Variants in OSBPL3 observed in about 807,000 individuals in gnomAD.
OSBPL3 encodes the protein oxysterol binding protein like 3, also known as oxysterol-binding protein-related protein 3.
OSBPL3 carries 65 observed loss-of-function variants against 120.1 expected under a neutral mutation model. The ratio of observed to expected loss-of-function variants is 0.54; its 90% CI spans 0.44 to 0.67. OSBPL3 has a LOEUF of 0.67. OSBPL3 is among the 30% of genes least tolerant of loss of function. The probability of loss-of-function intolerance (pLI) is 0.00; values close to 1 mark genes in which losing one functional copy is unlikely to be tolerated. For synonymous variants in OSBPL3, 416 were observed against 402.6 expected (o/e 1.03, Z -0.40); for missense variants, 1,004 against 1,082.1 (o/e 0.93, Z 1.01).
chr7:24,931,275 T>C (rs1304388651), intron 1 of OSBPL3, among the ~76,000 whole-genome samples: 3 of 152,224 alleles, frequency 2.0e-5, no homozygotes, highest in African/African-American at 4.8e-5. Flanking sequence ...CTCTGGGTTA[T>C]AAGTTATGTG....
At chr7:24,868,721 C>A (rs1801704584) in intron 5 of OSBPL3, among the ~76,000 whole-genome samples, 1 of 152,138 alleles carries the variant, frequency 6.6e-6, no homozygotes, top group South Asian at 2.1e-4. Flanking sequence ...AGACTCACAC[C>A]TATTTGTCTC....
At chr7:24,979,057 G>T (rs1330415965) in intron 1 of OSBPL3, among the ~76,000 whole-genome samples, 1 of 152,192 alleles carries the variant, frequency 6.6e-6, no homozygotes, top group Non-Finnish European at 1.5e-5. Flanking sequence ...AGGCTGCCTG[G>T]GAGTTTCTGG....
At chr7:24,842,539 G>T (rs1797907558) in intron 12 of OSBPL3, 126 bp from the exon 13 acceptor site, 1 of 728,382 alleles carries the variant, frequency 1.4e-6, no homozygotes, top group Non-Finnish European at 2.3e-6. Context: ...CAAAGCAGAA[G>T]TCAGCTCCAA....
At chr7:24,870,877 C>A (rs760675050) in intron 4 of OSBPL3, 32 bp from the exon 5 acceptor site, 1 of 1,404,264 alleles carries the variant, frequency 7.1e-7, no homozygotes, top group East Asian at 2.3e-5. Context: ...CACTTGGGGA[C>A]CATGGTGTTA....
Position 24,861,665 on chromosome 7 carries a change from G to C in OSBPL3, c.975C>G (p.Thr325=), listed in dbSNP as rs148648017. 6.2e-7 allele frequency: 1 copy of C among 1,609,854 alleles called. No individual in the cohort carries two copies. The highest frequency in any genetic ancestry group is 1.1e-5 in the South Asian group (1 of 90,676). ...EEKNYSDGSE[T]SSEFSKMQED... ...CTTGCATTTTAGAAAACTCTGATGA[G>C]GTTTCAGAGCCATCAGAATAATTTT... The change falls in exon 10 of 23, where the codon ACC becomes ACG. Residue 325 remains threonine (T), a synonymous_variant. Transcript: ENST00000313367.
chr7:24,830,050 T>C lies in OSBPL3; in HGVS notation c.1884+718A>G, dbSNP rs1478347591. On this transcript the variant is annotated intron_variant, in intron 16 of 22. Transcript: ENST00000313367. This position sits in a 1 kb window ranked among gnomAD's most constrained non-coding sequence, Gnocchi z 4.4. ...AGCAAACTAAAGCACAGAGAAGCTA[T>C]GTAACTTGCCTTGGGTTATCATGCT... Among the ~76,000 whole-genome samples, 1 of 152,230 alleles carries C rather than the reference T, an allele frequency of 6.6e-6. No homozygotes were observed. The highest frequency in any genetic ancestry group is 1.5e-5 in the Non-Finnish European group (1 of 68,038).
chr7:24,944,076 T>TAAAAA (rs70942898), intron 1 of OSBPL3, among the ~76,000 whole-genome samples: 5 of 118,670 alleles, frequency 4.2e-5, no homozygotes, highest in African/African-American at 6.7e-5. Flanking sequence ...CAGTCTAAAG[T>TAAAAA]AAAAAAAAAA....
At chr7:24,864,581 A>C (rs79645862) in intron 7 of OSBPL3, among the ~76,000 whole-genome samples, 1 of 152,240 alleles carries the variant, frequency 6.6e-6, no homozygotes, top group East Asian at 1.9e-4. Context: ...AGATAATGCA[A>C]TTTTCAAGGC....
intron 7 of OSBPL3, among the ~76,000 whole-genome samples, chr7:24,865,108 A>G (rs1177619535): frequency 3.3e-5 from 5 of 152,230 alleles, no homozygotes; most frequent in Non-Finnish European, 7.3e-5. Context: ...AGTATCAGGC[A>G]TCAATACTGA....
rs760671434 is a variant in OSBPL3, at chr7:24,871,642, C to T, written c.267+100G>A. ...GTTTCCCCTCTATGGTTTCCAGTTC[C>T]GAGAAAAGCTATCCTCAACTATACA... is the stretch of plus-strand genomic sequence containing the variant. On this transcript the variant is annotated intron_variant, in intron 4 of 22. Transcript: ENST00000313367. This position sits in a 1 kb window ranked among gnomAD's most constrained non-coding sequence, Gnocchi z 4.8. 5.6e-5 allele frequency: 50 copies of T among 891,592 alleles called. No individual in the cohort carries two copies. The highest frequency in any genetic ancestry group is 5.2e-4 in the South Asian group (33 of 63,880). 55.2% of individuals were successfully genotyped at this position (891,592 alleles called of 1,614,324 possible). A position where few individuals can be genotyped will look rare whatever the true frequency, so the allele number is the denominator to read the frequency against.
chr7:24,979,752 C>T (rs1408443745), intron 1 of OSBPL3, 134 bp downstream of exon 1: 5 of 405,518 alleles, frequency 1.2e-5, no homozygotes, highest in Non-Finnish European at 1.7e-5. Context: ...GCCGGAGCCT[C>T]CCCGGGCGAC....
rs1806685530 is a variant in OSBPL3 at position 24,899,639 on chromosome 7, A to G, written c.-149-7018T>C. On this transcript the variant is annotated intron_variant, in intron 1 of 22. Transcript: ENST00000313367. The surrounding 1 kb of genome is among the most constrained non-coding windows in gnomAD (Gnocchi z 4.0). ...CCAAGTAAATTATACTTGGAGATTT[A>G]GTAACGAGAAGAGCACCAAGGGCAT... 6.6e-6 allele frequency among the ~76,000 whole-genome samples: 1 copy of G among 152,200 alleles called. No individual in the cohort carries two copies. Among genetic ancestry groups the G allele is most frequent in the South Asian group, 2.1e-4 (1 of 4,824 alleles).
rs544261606 is a variant in OSBPL3 at position 24,813,242 on chromosome 7, T to G, written c.2172+1817A>C. Among the ~76,000 whole-genome samples, 1 of 152,264 alleles carries G rather than the reference T, an allele frequency of 6.6e-6. No homozygotes were observed. The highest frequency in any genetic ancestry group is 2.1e-4 in the South Asian group (1 of 4,820). On this transcript the variant is annotated intron_variant, in intron 19 of 22. Transcript: ENST00000313367. This position sits in a 1 kb window ranked among gnomAD's most constrained non-coding sequence, Gnocchi z 4.5. ...TAGAGATATCTGCCAACAAATCCAG[T>G]GCTGAGAATTTGCTGGAAGCCACCA... is the stretch of plus-strand genomic sequence containing the variant.
At position 24,913,525 on chromosome 7, in the gene OSBPL3, T is replaced by TG. The variant is rs1351341797; in HGVS notation, c.-149-20905dup. ...TACAAGAAGCAGACACGGTCTAGTG[T>TG]GGGGGCCAATCAGCTGACAAAGGCC... On this transcript the variant is annotated intron_variant, in intron 1 of 22. Transcript: ENST00000313367. This position sits in a 1 kb window ranked among gnomAD's most constrained non-coding sequence, Gnocchi z 5.3. Among the ~76,000 whole-genome samples the TG allele has an allele frequency of 6.6e-6, 1 of 151,926 alleles. No homozygotes were observed. Among genetic ancestry groups the TG allele is most frequent in the Non-Finnish European group, 1.5e-5 (1 of 67,996 alleles).
intron 2 of OSBPL3, among the ~76,000 whole-genome samples, chr7:24,890,586 G>A (rs1805202891): frequency 6.6e-6 from 1 of 152,196 alleles, no homozygotes; most frequent in Non-Finnish European, 1.5e-5. Flanking sequence ...CCAAGAAAAT[G>A]ACCTCTGGAA....
chr7:24,969,867 T>C (rs1816800197), intron 1 of OSBPL3, among the ~76,000 whole-genome samples: 1 of 152,206 alleles, frequency 6.6e-6, no homozygotes, highest in African/African-American at 2.4e-5. Context: ...AGATAGCTCT[T>C]ACCGTGTCAC....
upstream of OSBPL3, chr7:24,980,188 C>A (rs894666297): frequency 1.1e-5 from 4 of 371,552 alleles, no homozygotes; most frequent in African/African-American, 4.4e-5. Context: ...CGGCGCGCGC[C>A]GCCCGGCGAT....
Position 24,797,133 on chromosome 7 carries a change from T to TAA in OSBPL3, c.*3048_*3049dup, listed in dbSNP as rs1170634075. The TAA allele has an allele frequency of 6.6e-6, 1 of 152,164 alleles. No individual in the cohort carries two copies. The highest frequency in any genetic ancestry group is 2.4e-5 in the African/African-American group (1 of 41,442). The allele number at this position is 152,164 out of a possible 1,614,324, so 9.4% of individuals were successfully genotyped here. A position where few individuals can be genotyped will look rare whatever the true frequency, so the allele number is the denominator to read the frequency against. On this transcript the variant is annotated 3_prime_UTR_variant, in exon 23 of 23. Transcript: ENST00000313367. The surrounding 1 kb of genome is among the most constrained non-coding windows in gnomAD (Gnocchi z 4.8). ...GCTACATCAAGGTTCAACAGCCAAA[T>TAA]AAAAACTTTATTACTTTTTAGGCTT...
At chr7:24,895,806 CTG>C (rs558540081) in intron 1 of OSBPL3, among the ~76,000 whole-genome samples, 1 of 152,182 alleles carries the variant, frequency 6.6e-6, no homozygotes, top group Non-Finnish European at 1.5e-5. Context: ...TGCTCACAGA[CTG>C]TGAATAATTT....
Sources: allele counts gnomAD v4.1 joint callset (sites outside exome capture counted in the v4.1 genomes callset), GRCh38; gene constraint gnomAD v4.1.1; non-coding constraint Gnocchi (gnomAD v3.1); transcripts MANE v1.5; gene names NCBI Gene and HGNC (gene_info 2026-07-23, HGNC 2026-07-21).